CPD: variants seen among roughly 807,000 people sequenced by gnomAD.
CPD encodes carboxypeptidase D.
Under a neutral mutation model 138.3 loss-of-function variants are expected in CPD, and 69 were observed. The observed-to-expected ratio is 0.50, with a 90% CI of 0.41 to 0.61. The LOEUF (loss-of-function observed/expected upper bound fraction) is 0.61, where lower values mean the gene tolerates loss of function less well. CPD is among the 20% of genes least tolerant of loss of function. The pLI is 0.00. For synonymous variants in CPD, 651 were observed against 642.1 expected (o/e 1.01, Z -0.21); for missense variants, 1,432 against 1,733.3 (o/e 0.83, Z 3.09).
At chr17:30,422,556 T>C (rs1912293796) in intron 4 of CPD, 118 bp from the exon 5 acceptor site, 1 of 635,010 alleles carries the variant, frequency 1.6e-6, no homozygotes, top group Non-Finnish European at 2.7e-6. Flanking sequence ...CTTTATTTAG[T>C]TTGAGTTTTG....
At position 30,379,163 on chromosome 17, in the gene CPD, A is replaced by G. The variant is rs1430048051; in HGVS notation, c.183A>G (p.Glu61=). The G allele has an allele frequency of 1.3e-6, 2 of 1,535,358 alleles. No individual in the cohort carries two copies. Among genetic ancestry groups the G allele is most frequent in the Admixed American group, 2.0e-5 (1 of 50,844 alleles). ...GCCAGTTCGACCGCTACTACCACGA[A>G]GAGGAGTTGGAGTCGGCGCTGAGGG... is the stretch of plus-strand genomic sequence containing the variant. The part of the protein sequence containing the change: ...AEGQFDRYYH[E]EELESALREA... The change falls in exon 1 of 21, where the codon GAA becomes GAG. Residue 61 remains glutamate, a synonymous_variant. Coordinates refer to ENST00000225719, the MANE Select transcript of CPD (RefSeq NM_001304.5). The surrounding 1 kb of genome is among the most constrained non-coding windows in gnomAD (Gnocchi z 7.0).
In CPD at chr17:30,462,470, G is replaced by C; in HGVS notation, c.3916+1G>C. ...AGGGAGCTTGTGGTAACTGTATCAGGTAAAGACATTTTGATTTTTAGTAGT... is the reference window on the plus strand; with the variant it reads ...AGGGAGCTTGTGGTAACTGTATCAGCTAAAGACATTTTGATTTTTAGTAGT... On this transcript the variant is annotated splice_donor_variant, in intron 20 of 20. Coordinates refer to ENST00000225719, the MANE Select transcript of CPD (RefSeq NM_001304.5). LOFTEE classifies it high-confidence loss of function. The C allele has an allele frequency of 1.2e-6, 2 of 1,609,124 alleles. No homozygotes were observed. Among genetic ancestry groups the C allele is most frequent in the Non-Finnish European group, 1.7e-6 (2 of 1,176,712 alleles).
intron 18 of CPD, 81 bp downstream of exon 18, chr17:30,461,392 C>G: frequency 1.8e-6 from 2 of 1,089,486 alleles, no homozygotes; most frequent in Non-Finnish European, 2.4e-6. Context: ...TGTCTTTTAC[C>G]AAAAATGTAT....
At chr17:30,453,101 A>C (rs1328440146) in intron 14 of CPD, among the ~76,000 whole-genome samples, 1 of 152,144 alleles carries the variant, frequency 6.6e-6, no homozygotes, top group Non-Finnish European at 1.5e-5. Context: ...TCATTCTGCC[A>C]CTGGCCCCTC....
In CPD at chr17:30,385,347, T is replaced by C. The variant is rs565166371; in HGVS notation, c.994+111T>C. ...TGTAGAAATCTAACTTTAAAAGATA[T>C]TTATTTTTATTTTGAAAATTTCAAA... On this transcript the variant is annotated intron_variant, in intron 2 of 20. Transcript: ENST00000225719. 31 of 1,274,102 alleles carry C rather than the reference T, an allele frequency of 2.4e-5. 1 individual carries two copies. The East Asian group carries it at 6.7e-4, about 28-fold the overall frequency. 78.9% of individuals were successfully genotyped at this position (1,274,102 alleles called of 1,614,324 possible).
intron 2 of CPD, among the ~76,000 whole-genome samples, chr17:30,405,409 C>T (rs1911778611): frequency 1.3e-5 from 2 of 152,156 alleles, no homozygotes; most frequent in Admixed American, 1.3e-4. Flanking sequence ...TTGCATGACT[C>T]AGCTTTCAGC....
intron 2 of CPD, among the ~76,000 whole-genome samples, chr17:30,414,338 G>A (rs1392479751): frequency 6.6e-6 from 1 of 152,182 alleles, no homozygotes; most frequent in Non-Finnish European, 1.5e-5. Flanking sequence ...CACTTTGGGA[G>A]GCCAAGGTGG....
rs187678828 is a variant in CPD, at chr17:30,401,546, C to T, written c.994+16310C>T. Among the ~76,000 whole-genome samples the T allele has an allele frequency of 6.6e-3, 1,000 of 151,854 alleles. 8 individuals carry two copies. Among genetic ancestry groups the T allele is most frequent in the Non-Finnish European group, 0.01 (693 of 67,958 alleles). On this transcript the variant is annotated intron_variant, in intron 2 of 20. Transcript: ENST00000225719. Reference sequence around the variant, plus strand: ...TTTCCCAGGCTGGAGTGCAGTGGTGCGGTCGTGGCTCACTGCAACCTCTGC... The same window carrying T: ...TTTCCCAGGCTGGAGTGCAGTGGTGTGGTCGTGGCTCACTGCAACCTCTGC...
chr17:30,379,598 C>A lies in CPD; in HGVS notation c.618C>A (p.Ser206Arg), dbSNP rs1910987784. 6.8e-7 allele frequency: 1 copy of A among 1,464,330 alleles called. No individual in the cohort carries two copies. The highest frequency in any genetic ancestry group is 1.3e-5 in the South Asian group (1 of 75,012). The allele number at this position is 1,464,330 out of a possible 1,614,324, so 90.7% of individuals were successfully genotyped here. A position where few individuals can be genotyped will look rare whatever the true frequency, so the allele number is the denominator to read the frequency against. Residue 206 changes from serine to arginine, a missense_variant, in exon 1 of 21, where the codon AGC becomes AGA. Ser to Arg is a moderately radical substitution (Grantham distance 110). Coordinates refer to ENST00000225719, the MANE Select transcript of CPD (RefSeq NM_001304.5). This position sits in a 1 kb window ranked among gnomAD's most constrained non-coding sequence, Gnocchi z 7.0. ...GFGDGGPSGA[S>R]GRDNSRGRDL... ...GCGACGGCGGCCCGTCCGGGGCCAG[C>A]GGCCGCGACAATAGTCGCGGCCGCG...
intron 2 of CPD, among the ~76,000 whole-genome samples, chr17:30,401,183 A>T (rs1452373372): frequency 6.6e-6 from 1 of 151,976 alleles, no homozygotes; most frequent in Non-Finnish European, 1.5e-5. Context: ...GCCACTTTCA[A>T]GACTATTTTA....
At position 30,427,465 on chromosome 17, in the gene CPD, G is replaced by A. The variant is rs758310112; in HGVS notation, c.1924G>A (p.Val642Ile). The change falls in exon 7 of 21, where the codon GTT becomes ATT. Residue 642 changes from valine to isoleucine, a missense_variant. Around this residue, in one of 6 missense-constraint regions of CPD, gnomAD observed 297 missense variants for 405.3 expected, o/e 0.73. Transcript: ENST00000225719. ...DLNRNFPDQF[V>I]QITDPTQPET... ...GAACCGAAATTTCCCAGACCAGTTT[G>A]TTCAGATCACAGATCCTACGCAACC... 1.1e-5 allele frequency: 18 copies of A among 1,614,150 alleles called. No homozygotes were observed. The highest frequency in any genetic ancestry group is 1.5e-5 in the Non-Finnish European group (18 of 1,180,014).
intron 5 of CPD, 94 bp from the exon 6 acceptor site, chr17:30,423,412 T>C (rs1355419200): frequency 1.1e-6 from 1 of 922,824 alleles, no homozygotes; most frequent in Non-Finnish European, 1.5e-6. Flanking sequence ...TAAAAAATTT[T>C]TTAGTATAGG....
intron 8 of CPD, among the ~76,000 whole-genome samples, chr17:30,438,724 T>G (rs1038168013): frequency 3.3e-5 from 5 of 152,148 alleles, no homozygotes; most frequent in African/African-American, 1.2e-4. Context: ...ATAAATGAAG[T>G]CAATATTTTC....
intron 1 of CPD, among the ~76,000 whole-genome samples, chr17:30,380,993 A>ATTTCTTCTAC (rs2143291793): frequency 6.6e-6 from 1 of 152,362 alleles, no homozygotes; most frequent in East Asian, 1.9e-4. Context: ...ACTTGGAATC[A>ATTTCTTCTAC]TTTCTTCTAC....
intron 2 of CPD, among the ~76,000 whole-genome samples, chr17:30,410,044 C>G (rs998073077): frequency 1.3e-5 from 2 of 152,134 alleles, no homozygotes; most frequent in Non-Finnish European, 2.9e-5. Context: ...CCTAGAGATT[C>G]TGGTATGTTG....
intron 8 of CPD, 127 bp downstream of exon 8, chr17:30,432,008 T>C: frequency 1.5e-6 from 1 of 650,986 alleles, no homozygotes; most frequent in East Asian, 2.8e-5. Context: ...TTCAGCTGTT[T>C]CCGAAAAATA....
chr17:30,398,344 T>C (rs112292709), intron 2 of CPD, among the ~76,000 whole-genome samples: 12 of 152,230 alleles, frequency 7.9e-5, no homozygotes, highest in Non-Finnish European at 1.8e-4. Flanking sequence ...ATTAAAGTGC[T>C]TTATTGCTTT....
Position 30,456,510 on chromosome 17 carries a change from A to C in CPD, c.3482A>C (p.His1161Pro). The C allele has an allele frequency of 6.2e-7, 1 of 1,614,126 alleles. No individual in the cohort carries two copies. Residue 1161 changes from histidine (H) to proline (P), a missense_variant, in exon 17 of 21, where the codon CAC becomes CCC. Physicochemically the swap from His to Pro is moderately conservative, Grantham distance 77 (BLOSUM62 -2). This residue lies in a region of CPD where 366 missense variants were observed against 518.8 expected (regional missense o/e 0.71). Coordinates refer to ENST00000225719, the MANE Select transcript of CPD (RefSeq NM_001304.5). ...ATGCGTGGAGCAGAATGGCATAGTC[A>C]CCTGGGCAGCATGAAGGTATGCTTT... Reference protein sequence around the residue: ...GVMRGAEWHSHLGSMKDYSVT... With the variant: ...GVMRGAEWHSPLGSMKDYSVT...
chr17:30,434,628 C>G (rs1176084533), intron 8 of CPD, among the ~76,000 whole-genome samples: 1 of 151,762 alleles, frequency 6.6e-6, no homozygotes, highest in Non-Finnish European at 1.5e-5. Flanking sequence ...ATCTTCCAAA[C>G]TCATAGCTTC....
Sources: allele counts gnomAD v4.1 joint callset (sites outside exome capture counted in the v4.1 genomes callset), GRCh38; gene constraint gnomAD v4.1.1; regional missense constraint gnomAD v4.1.1; non-coding constraint Gnocchi (gnomAD v3.1); transcripts MANE v1.5; gene names NCBI Gene and HGNC (gene_info 2026-07-23, HGNC 2026-07-21).